LCOR: variants seen among roughly 807,000 people sequenced by gnomAD.
The protein encoded by LCOR is ligand dependent nuclear receptor corepressor, also known as ligand-dependent corepressor.
LCOR carries 14 observed loss-of-function variants against 64.4 expected under a neutral mutation model. The ratio of observed to expected loss-of-function variants is 0.22; its 90% CI spans 0.14 to 0.34. The LOEUF is 0.34. Ranked by LOEUF, LCOR falls within the 10% of genes least tolerant of loss-of-function variation. The probability of loss-of-function intolerance (pLI) is 1.00; values close to 1 mark genes in which losing one functional copy is unlikely to be tolerated. For missense variants in LCOR, 1,686 were observed against 1,765.3 expected (o/e 0.96, Z 0.80); for synonymous variants, 643 against 642.5 (o/e 1.00, Z -0.01).
chr10:96,910,331 G>C (rs1846807884), intron 4 of LCOR, among the ~76,000 whole-genome samples: 1 of 152,196 alleles, frequency 6.6e-6, no homozygotes, highest in Non-Finnish European at 1.5e-5. Flanking sequence ...TTTTCCATTT[G>C]ACAGCTCAGC....
rs1344995460 is a variant in LCOR at position 96,994,399 on chromosome 10, G to C, written c.*9265G>C. The C allele has an allele frequency of 6.6e-6, 1 of 152,200 alleles. No homozygotes were observed. The highest frequency in any genetic ancestry group is 2.4e-5 in the African/African-American group (1 of 41,456). 9.4% of individuals were successfully genotyped at this position (152,200 alleles called of 1,614,324 possible). On this transcript the variant is annotated 3_prime_UTR_variant, in exon 8 of 8. Transcript: ENST00000421806. Reference sequence around the variant, plus strand: ...TCCAGTTCAGCAGATTTCTAAAGCTGTTAAGCAGCCTCTCTTTTTGACCGT... The same window carrying C: ...TCCAGTTCAGCAGATTTCTAAAGCTCTTAAGCAGCCTCTCTTTTTGACCGT...
chr10:96,849,482 T>C (rs1442119433), intron 2 of LCOR, among the ~76,000 whole-genome samples: 1 of 152,186 alleles, frequency 6.6e-6, no homozygotes, highest in East Asian at 1.9e-4. Flanking sequence ...AGTGCTGTGA[T>C]TGCAGCCGCG....
At chr10:96,948,540 A>G (rs992676669) in intron 5 of LCOR, among the ~76,000 whole-genome samples, 9 of 152,352 alleles carry the variant, frequency 5.9e-5, no homozygotes, top group African/African-American at 1.9e-4. Flanking sequence ...ATCTCCTTTT[A>G]TAATCTTGGT....
intron 6 of LCOR, 53 bp downstream of exon 6, chr10:96,949,348 G>GGA (rs1276747787): frequency 2.0e-6 from 3 of 1,519,066 alleles, no homozygotes; most frequent in Non-Finnish European, 2.7e-6. Context: ...TTTACTTTGG[G>GGA]GAGAAAAAAA....
intron 5 of LCOR, among the ~76,000 whole-genome samples, chr10:96,945,288 A>G (rs1459604483): frequency 2.0e-5 from 3 of 152,284 alleles, no homozygotes; most frequent in Non-Finnish European, 2.9e-5. Context: ...GTTTCTTTAC[A>G]GTTGGACACT....
chr10:96,904,086 G>A (rs1326586325), intron 2 of LCOR, among the ~76,000 whole-genome samples: 1 of 152,212 alleles, frequency 6.6e-6, no homozygotes, highest in Non-Finnish European at 1.5e-5. Context: ...TTCTGAGGAT[G>A]AGAGAACTGG....
Position 96,832,318 on chromosome 10 carries a change from A to C in LCOR, c.-485A>C, listed in dbSNP as rs1428930114. On this transcript the variant is annotated 5_prime_UTR_variant, in exon 1 of 8. Transcript: ENST00000421806. ...GCGGCAGAAGATGGCGAGGGTGTGT[A>C]GGCGGCAGCAATGCTCCGTTGAGAG... 1.6e-5 allele frequency: 16 copies of C among 983,494 alleles called. No homozygotes were observed. The highest frequency in any genetic ancestry group is 7.2e-6 in the Non-Finnish European group (6 of 829,288). The allele number at this position is 983,494 out of a possible 1,614,324, so 60.9% of individuals were successfully genotyped here. A position where few individuals can be genotyped will look rare whatever the true frequency, so the allele number is the denominator to read the frequency against.
chr10:96,870,318 C>T (rs1207524724), intron 2 of LCOR, among the ~76,000 whole-genome samples: 5 of 152,114 alleles, frequency 3.3e-5, no homozygotes, highest in African/African-American at 1.2e-4. Context: ...GCCCTAAACC[C>T]TAGGTTTTGA....
intron 4 of LCOR, among the ~76,000 whole-genome samples, chr10:96,921,857 A>G (rs1043469116): frequency 6.6e-5 from 10 of 152,238 alleles, no homozygotes; most frequent in African/African-American, 2.2e-4. Flanking sequence ...GTACCCTTGT[A>G]GGAAATCATC....
Position 96,984,652 on chromosome 10 carries a change from A to C in LCOR, c.4192A>C (p.Lys1398Gln), listed in dbSNP as rs1412333081. 1 of 1,614,210 alleles carries C rather than the reference A, an allele frequency of 6.2e-7. No individual in the cohort carries two copies. Among genetic ancestry groups the C allele is most frequent in the Non-Finnish European group, 8.5e-7 (1 of 1,180,046 alleles). ...CTTGCCTAAAGCAGAAGTTCAGAGT[A>C]AACGCAAGAGAACAGAAGGCAGCAG... ...EILPKAEVQS[K>Q]RKRTEGSSPP... The change falls in exon 8 of 8, where the codon AAA (lysine) becomes CAA (glutamine). Residue 1398 changes from lysine (K) to glutamine (Q), a missense_variant. By Grantham distance (53) the Lys-to-Gln change is moderately conservative. Around this residue, in one of 3 missense-constraint regions of LCOR, gnomAD observed 1,293 missense variants for 1,410.4 expected, o/e 0.92. Transcript: ENST00000421806.
intron 2 of LCOR, among the ~76,000 whole-genome samples, chr10:96,836,330 C>T (rs961347859): frequency 2.6e-5 from 4 of 151,988 alleles, no homozygotes; most frequent in Non-Finnish European, 4.4e-5. Context: ...CTATGTTGTC[C>T]AGGCTGGTCT....
At chr10:96,845,219 CAA>C (rs746139020) in intron 2 of LCOR, among the ~76,000 whole-genome samples, 31 of 152,072 alleles carry the variant, frequency 2.0e-4, no homozygotes, top group Non-Finnish European at 4.1e-4. Flanking sequence ...GACGTTGTGA[CAA>C]AGGTAATAAG....
chr10:96,949,196 A>G lies in LCOR; in HGVS notation c.139A>G (p.Thr47Ala), dbSNP rs1277530249. 3.1e-6 allele frequency: 5 copies of G among 1,614,046 alleles called. No individual in the cohort carries two copies. In the Admixed American group the frequency reaches 5.0e-5, roughly 16 times the overall value. The change falls in exon 6 of 8, where the codon ACT (threonine) becomes GCT (alanine). Residue 47 changes from threonine to alanine, a missense_variant. By Grantham distance (58) the Thr-to-Ala change is moderately conservative. Coordinates refer to ENST00000421806, the MANE Select transcript of LCOR (RefSeq NM_001346516.2). ...AGTCACCACCTCTCCCACGGCTGCA[A>G]CTACTCAGAACCCTGTGCTCAGCAA... ...SPVTTSPTAA[T>A]TQNPVLSKLL...
At chr10:96,884,501 C>G (rs538707452) in intron 2 of LCOR, among the ~76,000 whole-genome samples, 5 of 152,312 alleles carry the variant, frequency 3.3e-5, no homozygotes, top group Admixed American at 2.0e-4. Flanking sequence ...GATATCCCCC[C>G]TCCCCAGTCA....
intron 2 of LCOR, among the ~76,000 whole-genome samples, chr10:96,879,248 G>A (rs531897542): frequency 6.6e-6 from 1 of 152,238 alleles, no homozygotes; most frequent in South Asian, 2.1e-4. Context: ...AGAAATTAAG[G>A]AACTTGCCCA....
chr10:96,870,046 TTGTTG>T (rs1564609832), intron 2 of LCOR, among the ~76,000 whole-genome samples: 164 of 151,494 alleles, frequency 1.1e-3, no homozygotes, highest in African/African-American at 3.9e-3. Flanking sequence ...TCTTTGTTTG[TTGTTG>T]TTGTTGTTGT....
At chr10:96,930,937 A>G (rs936175309) in intron 4 of LCOR, among the ~76,000 whole-genome samples, 3 of 152,186 alleles carry the variant, frequency 2.0e-5, no homozygotes, top group African/African-American at 7.2e-5. Context: ...TTATTTATAA[A>G]TGACTTACTC....
chr10:96,989,228 C>T lies in LCOR; in HGVS notation c.*4094C>T, dbSNP rs1031972388. On this transcript the variant is annotated 3_prime_UTR_variant, in exon 8 of 8. Coordinates refer to ENST00000421806, the MANE Select transcript of LCOR (RefSeq NM_001346516.2). ...ATGAGGCCACCTTACCGTATCGAGC[C>T]GGAACCCATGAGCAAATAGGGATTC... 6 of 152,166 alleles carry T rather than the reference C, an allele frequency of 3.9e-5. No homozygotes were observed. The highest frequency in any genetic ancestry group is 3.9e-4 in the East Asian group (2 of 5,190). The allele number at this position is 152,166 out of a possible 1,614,324, so 9.4% of individuals were successfully genotyped here.
rs1848097257 is a variant in LCOR at position 96,982,302 on chromosome 10, C to T, written c.1842C>T (p.Ser614=). 1 of 1,614,216 alleles carries T rather than the reference C, an allele frequency of 6.2e-7. No homozygotes were observed. Among genetic ancestry groups the T allele is most frequent in the Non-Finnish European group, 8.5e-7 (1 of 1,180,040 alleles). The change falls in exon 8 of 8, where the codon TCC becomes TCT. Residue 614 remains serine (S), a synonymous_variant. Transcript: ENST00000421806. ...SSPRSEETTA[S]SLVWPLPAHL... is the part of the protein sequence containing the mutation. Reference sequence around the variant, plus strand: ...CTAGGTCAGAGGAAACGACAGCCTCCAGCCTGGTGTGGCCTCTCCCTGCTC... The same window carrying T: ...CTAGGTCAGAGGAAACGACAGCCTCTAGCCTGGTGTGGCCTCTCCCTGCTC...
Sources: gnomAD v4.1 joint callset for allele counts (sites outside exome capture counted in the v4.1 genomes callset) on GRCh38, gnomAD v4.1.1 for gene constraint, gnomAD v4.1.1 regional missense constraint, MANE v1.5 for transcripts, NCBI Gene and HGNC (gene_info 2026-07-23, HGNC 2026-07-21) for gene names.